The following MYO16 variants were observed in gnomAD, a reference collection of about 807,000 sequenced individuals.
MYO16 encodes the protein unconventional myosin-XVI.
A neutral mutation model predicts 205.3 loss-of-function variants in MYO16; 94 were observed. The ratio of observed to expected loss-of-function variants is 0.46; its 90% CI spans 0.39 to 0.54. The LOEUF is 0.54. Ranked by LOEUF, MYO16 falls within the 20% of genes least tolerant of loss-of-function variation. The probability of loss-of-function intolerance (pLI) is 0.00; values close to 1 mark genes in which losing one functional copy is unlikely to be tolerated. For missense variants in MYO16, 2,315 were observed against 2,387.5 expected (o/e 0.97, Z 0.63); for synonymous variants, 988 against 954.0 (o/e 1.04, Z -0.66).
At chr13:108,858,855 A>G (rs1475476548) in intron 11 of MYO16, among the ~76,000 whole-genome samples, 1 of 152,124 alleles carries the variant, frequency 6.6e-6, no homozygotes, top group Non-Finnish European at 1.5e-5. Flanking sequence ...TTCTGACGTC[A>G]GATGCTGGCA....
chr13:109,022,675 TACAC>T (rs1389310674), intron 23 of MYO16, among the ~76,000 whole-genome samples: 1 of 62,884 alleles, frequency 1.6e-5, no homozygotes, highest in African/African-American at 4.9e-5. Flanking sequence ...ATATTATATA[TACAC>T]ATATAAACAT....
chr13:108,539,607 A>G, the MYO16 span, among the ~76,000 whole-genome samples: 1 of 152,094 alleles, frequency 6.6e-6, no homozygotes, highest in East Asian at 1.9e-4. Context: ...GTGTGCAGAT[A>G]TTTCTCGCAT....
At position 109,030,935 on chromosome 13, in the gene MYO16, T is replaced by G. The variant is rs999189297; in HGVS notation, c.2796+11024T>G. 2.0e-5 allele frequency among the ~76,000 whole-genome samples: 3 copies of G among 152,312 alleles called. No individual in the cohort carries two copies. The East Asian group carries it at 5.8e-4, about 29-fold the overall frequency. ...TACCAAGTACAAGCTACTGTCTTTC[T>G]TATTTAACTCTCAATCCAAATACTC... On this transcript the variant is annotated intron_variant, in intron 23 of 34. Transcript: ENST00000457511.
intron 33 of MYO16, among the ~76,000 whole-genome samples, chr13:109,169,339 TAAG>T (rs746335307): frequency 3.3e-5 from 5 of 151,382 alleles, no homozygotes. Context: ...ATAGTGATAA[TAAG>T]AACATAAGTT....
At chr13:109,073,412 G>A (rs964585204) in intron 27 of MYO16, among the ~76,000 whole-genome samples, 1 of 112,568 alleles carries the variant, frequency 8.9e-6, no homozygotes, top group Non-Finnish European at 1.8e-5. Flanking sequence ...CACACGGCCT[G>A]TGGAATATCT....
intron 23 of MYO16, among the ~76,000 whole-genome samples, chr13:109,025,656 G>A (rs1191170936): frequency 2.0e-5 from 3 of 152,160 alleles, no homozygotes; most frequent in African/African-American, 4.8e-5. Flanking sequence ...AATTCAGAAT[G>A]TGTCTAATTT....
chr13:108,931,055 C>T (rs1423464682), intron 16 of MYO16, among the ~76,000 whole-genome samples: 2 of 152,180 alleles, frequency 1.3e-5, no homozygotes, highest in African/African-American at 2.4e-5. Flanking sequence ...ATGTCTGAAT[C>T]GCTGGGCTCC....
chr13:108,875,185 T>G (rs1490761183), intron 12 of MYO16, among the ~76,000 whole-genome samples: 2 of 152,138 alleles, frequency 1.3e-5, no homozygotes, highest in Non-Finnish European at 2.9e-5. Context: ...AAATATCCCC[T>G]GACCAAGAAT....
intron 1 of MYO16, among the ~76,000 whole-genome samples, chr13:108,642,889 A>T (rs1880572841): frequency 6.6e-6 from 1 of 152,158 alleles, no homozygotes; most frequent in Non-Finnish European, 1.5e-5. Context: ...ACATAACTGA[A>T]TCCCCTCAGT....
At chr13:108,544,189 A>G in the MYO16 span, among the ~76,000 whole-genome samples, 1 of 152,024 alleles carries the variant, frequency 6.6e-6, no homozygotes, top group Non-Finnish European at 1.5e-5. Context: ...GTTTAAATTA[A>G]TATTCCAAGT....
intron 6 of MYO16, among the ~76,000 whole-genome samples, chr13:108,794,125 C>T (rs1038422171): frequency 1.3e-5 from 2 of 152,144 alleles, no homozygotes; most frequent in Non-Finnish European, 2.9e-5. Flanking sequence ...GAGCTAAACA[C>T]TGAGTCCACA....
chr13:109,197,440 T>A (rs1377265455), intron 34 of MYO16, among the ~76,000 whole-genome samples: 1 of 152,144 alleles, frequency 6.6e-6, no homozygotes, highest in African/African-American at 2.4e-5. Flanking sequence ...TAATACTGTG[T>A]GATAATGTTT....
chr13:108,495,872 C>G, the MYO16 span, among the ~76,000 whole-genome samples: 4 of 151,934 alleles, frequency 2.6e-5, no homozygotes, highest in South Asian at 2.1e-4. Flanking sequence ...AGCCGAGTCC[C>G]GGCCATCGCC....
At chr13:108,626,947 T>C (rs931362417), upstream of MYO16, among the ~76,000 whole-genome samples, 1 of 146,442 alleles carries the variant, frequency 6.8e-6, no homozygotes, top group Non-Finnish European at 1.5e-5. Context: ...TATAAAAATA[T>C]ATATTGTATA....
In MYO16 at chr13:108,651,521, C is replaced by T. The variant is rs1261634559; in HGVS notation, c.29-14365C>T. On this transcript the variant is annotated intron_variant, in intron 1 of 34. Transcript: ENST00000457511. ...ATGTGCAAAAAGTAAATATACCTTACATTATACAGTAATTTTTATGTCATG... is the reference window on the plus strand; with the variant it reads ...ATGTGCAAAAAGTAAATATACCTTATATTATACAGTAATTTTTATGTCATG... 2.0e-5 allele frequency among the ~76,000 whole-genome samples: 3 copies of T among 152,162 alleles called. No homozygotes were observed. The East Asian group carries it at 5.8e-4, about 29-fold the overall frequency.
At chr13:109,158,949 C>T (rs1878221486) in intron 32 of MYO16, among the ~76,000 whole-genome samples, 2 of 152,208 alleles carry the variant, frequency 1.3e-5, no homozygotes, top group South Asian at 4.1e-4. Flanking sequence ...ACTGTGCCCA[C>T]TCCAGTCACC....
chr13:109,115,488 G>A (rs1191481991), intron 28 of MYO16, among the ~76,000 whole-genome samples: 1 of 152,168 alleles, frequency 6.6e-6, no homozygotes, highest in African/African-American at 2.4e-5. Context: ...GCAGTGCACA[G>A]GGAGAGGGCT....
chr13:108,535,001 C>A, the MYO16 span, among the ~76,000 whole-genome samples: 2 of 145,380 alleles, frequency 1.4e-5, no homozygotes, highest in African/African-American at 5.1e-5. Flanking sequence ...TCCTTCCTTC[C>A]TCTTCTTTCC....
intron 7 of MYO16, among the ~76,000 whole-genome samples, chr13:108,808,722 A>C (rs933840464): frequency 5.9e-5 from 9 of 152,060 alleles, no homozygotes; most frequent in Non-Finnish European, 8.8e-5. Flanking sequence ...GTGGTAAAAA[A>C]AAATCTGTAA....
Sources: allele counts gnomAD v4.1 joint callset (sites outside exome capture counted in the v4.1 genomes callset), GRCh38; gene constraint gnomAD v4.1.1; transcripts MANE v1.5; gene names NCBI Gene and HGNC (gene_info 2026-07-23, HGNC 2026-07-21).